The following USP26 variants were observed in gnomAD, a reference collection of about 807,000 sequenced individuals.
USP26 encodes the protein ubiquitin specific peptidase 26.
For synonymous variants in USP26, 236 were observed against 240.6 expected, an observed-to-expected ratio of 0.98 and a Z score of 0.18; for missense variants, 649 against 642.3, an observed-to-expected ratio of 1.01 and a Z score of -0.11.
intron 5 of USP26, among the ~76,000 whole-genome samples, chrX:133,057,069 TA>T (rs759098731): frequency 5.2e-4 from 57 of 110,115 alleles, no homozygotes; most frequent in African/African-American, 1.8e-3. Context: ...ACTATTCATT[TA>T]AAAATGTTTA....
chrX:133,082,754 T>C (rs1366724636), intron 5 of USP26, among the ~76,000 whole-genome samples: 3 of 111,578 alleles, frequency 2.7e-5, no homozygotes, highest in Non-Finnish European at 3.8e-5. Flanking sequence ...GGACTCTCAG[T>C]GACCAAGAGA....
At chrX:133,073,001 G>A (rs774043125) in intron 5 of USP26, among the ~76,000 whole-genome samples, 1 of 111,685 alleles carries the variant, frequency 9.0e-6, no homozygotes, top group Non-Finnish European at 1.9e-5. Context: ...GCATTTTTTC[G>A]TAGAGTCCCT....
intron 5 of USP26, among the ~76,000 whole-genome samples, chrX:133,050,061 A>T (rs193219419): frequency 8.9e-6 from 1 of 112,551 alleles, no homozygotes; most frequent in Admixed American, 9.4e-5. Context: ...CTTATCTCTG[A>T]CTTCTAATAT....
chrX:133,025,968 G>A lies in USP26; in HGVS notation c.2253C>T (p.Ala751=). ...QCDGMRICEQ[A]PQQALPQSFP... is the part of the protein sequence containing the mutation. ...AGCTTTGAGGCAGTGCCTGCTGAGG[G>A]GCTTGTTCACAGATTCTCATACCGT... Residue 751 remains alanine (A), a synonymous_variant, in exon 6 of 6, where the codon GCC becomes GCT. Transcript: ENST00000511190. 8.3e-7 allele frequency: 1 copy of A among 1,211,083 alleles called. No homozygotes were observed. The highest frequency in any genetic ancestry group is 1.1e-6 in the Non-Finnish European group (1 of 895,271).
At position 133,028,303 on chromosome X, in the gene USP26, A is replaced by G; in HGVS notation, c.-76-7T>C. On this transcript the variant is annotated splice_region_variant and splice_polypyrimidine_tract_variant and intron_variant, in intron 5 of 5. Transcript: ENST00000511190. ...ATCTGTTTTGCAAGTTCAGCTGTGA[A>G]GACAACACCAAAGAAATAGTTCATT... is the stretch of plus-strand genomic sequence containing the variant. The G allele has an allele frequency of 9.6e-7, 1 of 1,040,556 alleles. No homozygotes were observed. Among genetic ancestry groups the G allele is most frequent in the Non-Finnish European group, 1.3e-6 (1 of 746,003 alleles). 85.8% of individuals were successfully genotyped at this position (1,040,556 alleles called of 1,213,427 possible). A position where few individuals can be genotyped will look rare whatever the true frequency, so the allele number is the denominator to read the frequency against.
intron 5 of USP26, 127 bp from the exon 6 acceptor site, chrX:133,028,423 A>G (rs1202221194): frequency 2.2e-6 from 1 of 460,351 alleles, no homozygotes; most frequent in Admixed American, 3.9e-5. Flanking sequence ...AACGAGACCA[A>G]TGCCTTTTGA....
At chrX:133,049,115 C>A (rs756034106) in intron 5 of USP26, among the ~76,000 whole-genome samples, 3 of 112,051 alleles carry the variant, frequency 2.7e-5, no homozygotes, top group African/African-American at 9.7e-5. Flanking sequence ...ATGAGTTGTA[C>A]TGGGCATTTT....
intron 5 of USP26, among the ~76,000 whole-genome samples, chrX:133,034,779 G>A (rs1316025744): frequency 2.7e-5 from 3 of 110,508 alleles, no homozygotes; most frequent in African/African-American, 9.9e-5. Context: ...GAGGTGGGAG[G>A]ATCTCTTGAG....
At chrX:133,055,614 G>A (rs1012607094) in intron 5 of USP26, among the ~76,000 whole-genome samples, 1 of 111,878 alleles carries the variant, frequency 8.9e-6, no homozygotes, top group Non-Finnish European at 1.9e-5. Context: ...GATGGAAGAT[G>A]TCATAGTCAG....
At chrX:133,085,859 G>T (rs933660469) in intron 4 of USP26, among the ~76,000 whole-genome samples, 1 of 110,886 alleles carries the variant, frequency 9.0e-6, no homozygotes, top group East Asian at 2.8e-4. Context: ...ATCAATTCCC[G>T]GCTGGGGCTA....
intron 4 of USP26, among the ~76,000 whole-genome samples, chrX:133,088,539 G>C (rs897321766): frequency 9.0e-6 from 1 of 111,285 alleles, no homozygotes; most frequent in African/African-American, 3.3e-5. Flanking sequence ...CCCAGTACCA[G>C]TCCACGGCCC....
intron 5 of USP26, among the ~76,000 whole-genome samples, chrX:133,055,456 T>C (rs1407399491): frequency 8.9e-6 from 1 of 111,785 alleles, no homozygotes; most frequent in African/African-American, 3.3e-5. Context: ...CATTCTGCTA[T>C]TAAAACACAA....
chrX:133,025,748 G>C lies in USP26; in HGVS notation c.2473C>G (p.Arg825Gly), dbSNP rs747682836. Reference sequence around the variant, plus strand: ...AGATGGCTGACAACACTAATGAGCCGGTAGGTATGATCTCCCTTATCATCA... The same window carrying C: ...AGATGGCTGACAACACTAATGAGCCCGTAGGTATGATCTCCCTTATCATCA... ...RNDDKGDHTY[R>G]LISVVSHLGK... The change falls in exon 6 of 6, where the codon CGG becomes GGG. Residue 825 changes from arginine (R) to glycine (G), a missense_variant. Physicochemically the swap from Arg to Gly is moderately radical, Grantham distance 125 (BLOSUM62 -2). Coordinates refer to ENST00000511190, the MANE Select transcript of USP26 (RefSeq NM_031907.3). 2 of 1,207,034 alleles carry C rather than the reference G, an allele frequency of 1.7e-6. No homozygotes were observed. Among genetic ancestry groups the C allele is most frequent in the East Asian group, 5.9e-5 (2 of 33,750 alleles).
In USP26 at chrX:133,026,259, T is replaced by C. The variant is rs1274771555; in HGVS notation, c.1962A>G (p.Leu654=). The C allele has an allele frequency of 8.3e-7, 1 of 1,209,606 alleles. No individual in the cohort carries two copies. Among genetic ancestry groups the C allele is most frequent in the Non-Finnish European group, 1.1e-6 (1 of 895,074 alleles). ...CTTCCAGATACGTCATTAAGTGAGCTAACGGTTCTTTTTCAATGAATGCTC... is the reference window on the plus strand; with the variant it reads ...CTTCCAGATACGTCATTAAGTGAGCCAACGGTTCTTTTTCAATGAATGCTC... ...GDRAFIEKEP[L]AHLMTYLEDT... Residue 654 remains leucine, a synonymous_variant, in exon 6 of 6, where the codon TTA becomes TTG. Transcript: ENST00000511190.
At chrX:133,043,842 G>A (rs920875964) in intron 5 of USP26, among the ~76,000 whole-genome samples, 1 of 111,896 alleles carries the variant, frequency 8.9e-6, no homozygotes, top group African/African-American at 3.3e-5. Flanking sequence ...GGCCGAGGTG[G>A]CAGTGAGCCG....
At chrX:133,053,256 G>A (rs191308697) in intron 5 of USP26, among the ~76,000 whole-genome samples, 1 of 111,944 alleles carries the variant, frequency 8.9e-6, no homozygotes, top group Non-Finnish European at 1.9e-5. Context: ...AAAGTACAGA[G>A]GGCTGGCGTG....
At chrX:133,066,019 C>T (rs946914015) in intron 5 of USP26, among the ~76,000 whole-genome samples, 2 of 111,907 alleles carry the variant, frequency 1.8e-5, no homozygotes, top group African/African-American at 6.5e-5. Flanking sequence ...TAAACAACTT[C>T]AGCAAATTCT....
At chrX:133,068,512 C>T (rs1374178557) in intron 5 of USP26, among the ~76,000 whole-genome samples, 3 of 112,820 alleles carry the variant, frequency 2.7e-5, no homozygotes, top group South Asian at 3.6e-4. Context: ...AATTCTAAGA[C>T]GAAGCTCTAA....
intron 5 of USP26, among the ~76,000 whole-genome samples, chrX:133,076,351 T>C (rs2067548498): frequency 9.0e-6 from 1 of 111,026 alleles, no homozygotes; most frequent in Non-Finnish European, 1.9e-5. Context: ...TGCATAATCT[T>C]ATGCAATCTT....
Sources: allele counts gnomAD v4.1 joint callset (sites outside exome capture counted in the v4.1 genomes callset), GRCh38; gene constraint gnomAD v4.1.1; transcripts MANE v1.5; gene names NCBI Gene and HGNC (gene_info 2026-07-23, HGNC 2026-07-21).